CD8B2: variants seen among roughly 807,000 people sequenced by gnomAD.
The protein encoded by CD8B2 is T-cell surface glycoprotein CD8 beta-2 chain.
Under a neutral mutation model 23.7 loss-of-function variants are expected in CD8B2, and 11 were observed. That is an observed-to-expected ratio of 0.46 (90% CI 0.29 to 0.77). CD8B2 has a LOEUF of 0.77. Ranked by LOEUF, CD8B2 falls within the 30% of genes least tolerant of loss-of-function variation. CD8B2 has a pLI of 0.09. For synonymous variants in CD8B2, 90 were observed against 109.3 expected (o/e 0.82, Z 1.10); for missense variants, 197 against 270.5 (o/e 0.73, Z 1.91).
Position 106,523,461 on chromosome 2 carries a change from C to T in CD8B2, c.620+19136C>T, listed in dbSNP as rs540706040. Among the ~76,000 whole-genome samples, 9 of 152,188 alleles carry T rather than the reference C, an allele frequency of 5.9e-5. No homozygotes were observed. The South Asian group carries it at 6.2e-4, about 11-fold the overall frequency. On this transcript the variant is annotated intron_variant, in intron 5 of 5. Transcript: ENST00000416057. The stretch of plus-strand genomic sequence containing the variant: ...CAGGCAGAGGAGTGGAAAGCCTCAC[C>T]GTAGAAGGAAGGGAAGGTTCAGATG...
intron 3 of CD8B2, among the ~76,000 whole-genome samples, chr2:106,498,987 G>C (rs1264876964): frequency 1.3e-5 from 2 of 152,060 alleles, no homozygotes; most frequent in Non-Finnish European, 2.9e-5. Context: ...TGAGGCCCCA[G>C]TAAGATGAGG....
chr2:106,507,455 G>A lies in CD8B2; in HGVS notation c.*515G>A. ...GAGAGGGGCTGTCCAGTTCCCAGAA[G>A]CCATGTCAGTCTCTGAGGGCTTCCT... On this transcript the variant is annotated 3_prime_UTR_variant, in exon 6 of 6. Transcript: ENST00000643224. The A allele has an allele frequency of 1.0e-6, 1 of 985,964 alleles. No individual in the cohort carries two copies. The highest frequency in any genetic ancestry group is 1.2e-6 in the Non-Finnish European group (1 of 830,322). The allele number at this position is 985,964 out of a possible 1,614,324, so 61.1% of individuals were successfully genotyped here. A position where few individuals can be genotyped will look rare whatever the true frequency, so the allele number is the denominator to read the frequency against.
chr2:106,496,852 C>T (rs958258248), intron 3 of CD8B2, among the ~76,000 whole-genome samples: 5 of 151,984 alleles, frequency 3.3e-5, no homozygotes, highest in African/African-American at 1.2e-4. Context: ...ATAATGGTTG[C>T]ACAACTCCAT....
chr2:106,487,397 C>G lies in CD8B2; in HGVS notation c.-30C>G. ...CAGCCGCGACTGTCTCCGCCGAGCC[C>G]CCGGGGCCAGGTGTCCCGGGCGCGC... On this transcript the variant is annotated 5_prime_UTR_variant, in exon 1 of 6. Coordinates refer to ENST00000643224, the MANE Select transcript of CD8B2 (RefSeq NM_001349727.2). 1.6e-6 allele frequency: 2 copies of G among 1,221,062 alleles called. No homozygotes were observed. Among genetic ancestry groups the G allele is most frequent in the Non-Finnish European group, 2.0e-6 (2 of 977,644 alleles). The allele number at this position is 1,221,062 out of a possible 1,614,324, so 75.6% of individuals were successfully genotyped here.
chr2:106,525,706 A>G (rs1333012550), intron 5 of CD8B2, among the ~76,000 whole-genome samples: 7 of 152,290 alleles, frequency 4.6e-5, no homozygotes, highest in Non-Finnish European at 8.8e-5. Context: ...TGGATATTTT[A>G]TATAAATAAT....
intron 5 of CD8B2, among the ~76,000 whole-genome samples, chr2:106,506,082 C>A (rs1485532068): frequency 6.6e-6 from 1 of 151,770 alleles, no homozygotes; most frequent in East Asian, 1.9e-4. Context: ...TTGCAATGAG[C>A]AGAGATCACA....
chr2:106,503,991 T>C (rs1195916069), intron 4 of CD8B2, among the ~76,000 whole-genome samples: 1 of 152,202 alleles, frequency 6.6e-6, no homozygotes, highest in African/African-American at 2.4e-5. Context: ...TTAATTGAGT[T>C]TGAATTCTGG....
chr2:106,499,022 G>T (rs1679349760), intron 3 of CD8B2, among the ~76,000 whole-genome samples: 1 of 152,190 alleles, frequency 6.6e-6, no homozygotes, highest in Middle Eastern at 3.4e-3. Context: ...GGTGTCATTG[G>T]TGTGGCTCTG....
intron 5 of CD8B2, among the ~76,000 whole-genome samples, chr2:106,527,155 A>G (rs1454824674): frequency 6.6e-6 from 1 of 152,178 alleles, no homozygotes; most frequent in Non-Finnish European, 1.5e-5. Flanking sequence ...CTGCTGGACT[A>G]TTCTCTAAAG....
chr2:106,526,059 G>A (rs954587771), intron 5 of CD8B2, among the ~76,000 whole-genome samples: 36 of 152,148 alleles, frequency 2.4e-4, no homozygotes, highest in East Asian at 7.7e-4. Context: ...TGGGCAACAC[G>A]GAGAAACCCT....
At chr2:106,531,458 C>T (rs189992220) in intron 5 of CD8B2, among the ~76,000 whole-genome samples, 176 of 152,262 alleles carry the variant, frequency 1.2e-3, no homozygotes, top group African/African-American at 3.1e-3. Context: ...CTCTATCACA[C>T]GAGTTCTCGA....
chr2:106,491,294 A>C, intron 2 of CD8B2, 61 bp downstream of exon 2: 1 of 1,359,144 alleles, frequency 7.4e-7, no homozygotes, highest in South Asian at 1.3e-5. Context: ...CGTGCCAGGC[A>C]CTGGGACCAC....
intron 5 of CD8B2, among the ~76,000 whole-genome samples, chr2:106,506,089 C>G (rs1414125463): frequency 6.6e-6 from 1 of 151,848 alleles, no homozygotes; most frequent in East Asian, 1.9e-4. Context: ...GAGCAGAGAT[C>G]ACACCATTCC....
chr2:106,543,984 T>C, intron 5 of CD8B2: 1 of 398,702 alleles, frequency 2.5e-6, no homozygotes, highest in Non-Finnish European at 4.4e-6. Flanking sequence ...GTCCTATTTT[T>C]CTTCCAGACC....
chr2:106,535,213 A>C (rs1680067919), intron 5 of CD8B2: 1 of 152,088 alleles, frequency 6.6e-6, no homozygotes, highest in Admixed American at 6.6e-5. Context: ...TGTGTTACTC[A>C]CAGTCCCAGA....
rs185237494 is a variant in CD8B2, at chr2:106,491,813, C to T, written c.403+580C>T. Among the ~76,000 whole-genome samples, 768 of 152,228 alleles carry T rather than the reference C, an allele frequency of 5.0e-3. 3 individuals carry two copies. The highest frequency in any genetic ancestry group is 0.015 in the African/African-American group (623 of 41,542). On this transcript the variant is annotated intron_variant, in intron 2 of 5. Coordinates refer to ENST00000643224, the MANE Select transcript of CD8B2 (RefSeq NM_001349727.2). ...ATCCACCCACCTTAGCCTCCCAAAGCGCTAGGATTACAGGCGTGAGCCACC... is the reference window on the plus strand; with the variant it reads ...ATCCACCCACCTTAGCCTCCCAAAGTGCTAGGATTACAGGCGTGAGCCACC...
At chr2:106,498,301 C>T (rs570378464) in intron 3 of CD8B2, among the ~76,000 whole-genome samples, 3 of 152,226 alleles carry the variant, frequency 2.0e-5, no homozygotes, top group East Asian at 3.9e-4. Flanking sequence ...GTGCCCACCA[C>T]CACGCTTGGC....
In CD8B2 at chr2:106,501,146, G is replaced by T. The variant is rs73952238; in HGVS notation, c.494-1328G>T. Among the ~76,000 whole-genome samples, 1,518 of 152,200 alleles carry T rather than the reference G, an allele frequency of 1.0e-2. 28 individuals carry two copies. The highest frequency in any genetic ancestry group is 0.034 in the African/African-American group (1,416 of 41,494). The stretch of plus-strand genomic sequence containing the variant: ...CGTTCTCAGTATTTACCTCAGGAAG[G>T]CACCTTTGTAAGGAAATATACAGGT... On this transcript the variant is annotated intron_variant, in intron 3 of 5. Transcript: ENST00000643224.
rs546012015 is a variant in CD8B2, at chr2:106,531,564, G to A, written c.621-12428G>A. ...AGGGGGCCAGGATGATGTCCTGCAG[G>A]CTGAGTCCCTAGGGCCATGTGAGCC... is the stretch of plus-strand genomic sequence containing the variant. On this transcript the variant is annotated intron_variant, in intron 5 of 5. Coordinates refer to the CD8B2 transcript ENST00000416057. Among the ~76,000 whole-genome samples, 3 of 152,256 alleles carry A rather than the reference G, an allele frequency of 2.0e-5. No individual in the cohort carries two copies. In the South Asian group the frequency reaches 6.2e-4, roughly 32 times the overall value.
Sources: gnomAD v4.1 joint callset for allele counts (sites outside exome capture counted in the v4.1 genomes callset) on GRCh38, gnomAD v4.1.1 for gene constraint, MANE v1.5 for transcripts, NCBI Gene and HGNC (gene_info 2026-07-23, HGNC 2026-07-21) for gene names.